The following RYR2 variants were observed in gnomAD, a reference collection of about 807,000 sequenced individuals.
RYR2 encodes the protein ryanodine receptor 2, also known as cardiac muscle ryanodine receptor-calcium release channel.
In RYR2, 227 loss-of-function variants were observed where a neutral mutation model predicts 601.1. The observed-to-expected ratio is 0.38, with a 90% CI of 0.34 to 0.42. The LOEUF (loss-of-function observed/expected upper bound fraction) is 0.42. Among genes scored for constraint, RYR2 ranks in the 10% least tolerant of loss-of-function variants. The pLI is 1.00. For synonymous variants in RYR2, 2,223 were observed against 2,175.1 expected (o/e 1.02, Z -0.61); for missense variants, 4,646 against 6,156.5 (o/e 0.75, Z 8.21).
chr1:237,329,548 A>C (rs927037313), intron 2 of RYR2, among the ~76,000 whole-genome samples: 1 of 151,964 alleles, frequency 6.6e-6, no homozygotes. Flanking sequence ...AGGCTGAGAC[A>C]GAAGAATTGC....
At chr1:237,626,561 T>C (rs1679674744) in intron 40 of RYR2, among the ~76,000 whole-genome samples, 3 of 141,946 alleles carry the variant, frequency 2.1e-5, no homozygotes, top group Non-Finnish European at 4.5e-5. Flanking sequence ...TTCTTTCTTT[T>C]CTTTTTCTTT....
At chr1:237,612,517 G>A (rs1462851269) in intron 36 of RYR2, among the ~76,000 whole-genome samples, 2 of 152,072 alleles carry the variant, frequency 1.3e-5, no homozygotes, top group Non-Finnish European at 2.9e-5. Context: ...TATTACATAT[G>A]TATTTACATT....
chr1:237,256,344 T>A (rs1687980233), intron 1 of RYR2, among the ~76,000 whole-genome samples: 1 of 152,216 alleles, frequency 6.6e-6, no homozygotes, highest in Non-Finnish European at 1.5e-5. Context: ...TATGTCTTTA[T>A]CAGCAGCGTG....
intron 100 of RYR2, 104 bp downstream of exon 100, chr1:237,809,139 C>T: frequency 9.2e-7 from 1 of 1,085,756 alleles, no homozygotes; most frequent in Non-Finnish European, 1.4e-6. Context: ...AGAAAATAGT[C>T]TAAACAAATA....
chr1:237,308,925 G>T (rs1218895922), intron 2 of RYR2, among the ~76,000 whole-genome samples: 3 of 152,316 alleles, frequency 2.0e-5, no homozygotes, highest in Admixed American at 6.5e-5. Context: ...TTTTGACAGG[G>T]TGCTGATTGG....
At chr1:237,603,514 G>A (rs12140987) in intron 35 of RYR2, among the ~76,000 whole-genome samples, 146,713 of 152,344 alleles carry the variant, frequency 0.96, 70,875 homozygotes, top group East Asian at 1. Flanking sequence ...AAGAAACTGC[G>A]TCAACTAATG....
chr1:237,618,460 A>G (rs1186057518), intron 38 of RYR2, among the ~76,000 whole-genome samples: 1 of 152,180 alleles, frequency 6.6e-6, no homozygotes, highest in South Asian at 2.1e-4. Flanking sequence ...GAGGTTGGCT[A>G]CAGAACTCAG....
intron 17 of RYR2, among the ~76,000 whole-genome samples, chr1:237,487,663 C>T (rs1662847568): frequency 6.6e-6 from 1 of 151,190 alleles, no homozygotes; most frequent in Non-Finnish European, 1.5e-5. Context: ...AGCCCAAGAG[C>T]TTGAGGCTGC....
intron 1 of RYR2, among the ~76,000 whole-genome samples, chr1:237,182,983 A>G (rs1008953275): frequency 6.6e-6 from 1 of 152,170 alleles, no homozygotes; most frequent in Non-Finnish European, 1.5e-5. Flanking sequence ...TATCTGGTGA[A>G]ACAGCCATGA....
chr1:237,744,627 G>A (rs1691909704), intron 80 of RYR2, among the ~76,000 whole-genome samples: 1 of 151,678 alleles, frequency 6.6e-6, no homozygotes, highest in African/African-American at 2.4e-5. Context: ...TTGCACTCCA[G>A]CCTGGGCGAC....
intron 25 of RYR2, among the ~76,000 whole-genome samples, chr1:237,537,401 G>C (rs1386067006): frequency 6.6e-6 from 1 of 151,966 alleles, no homozygotes; most frequent in East Asian, 1.9e-4. Flanking sequence ...TTGGCTCGCT[G>C]CAACCTCCGC....
At chr1:237,223,688 C>T (rs1231292746) in intron 1 of RYR2, among the ~76,000 whole-genome samples, 1 of 152,304 alleles carries the variant, frequency 6.6e-6, no homozygotes, top group African/African-American at 2.4e-5. Context: ...TGTGTGACTT[C>T]TCTTCTGTCA....
intron 1 of RYR2, among the ~76,000 whole-genome samples, chr1:237,063,190 G>A (rs1663099935): frequency 2.0e-5 from 3 of 152,258 alleles, no homozygotes; most frequent in African/African-American, 7.2e-5. Context: ...ACCCAGAAGA[G>A]GGCCTTCACC....
intron 4 of RYR2, among the ~76,000 whole-genome samples, chr1:237,356,675 A>G (rs12026757): frequency 0.24 from 36,878 of 151,882 alleles, 4,650 homozygotes; most frequent in East Asian, 0.37. Flanking sequence ...AAAAAGTTAC[A>G]TTGCTTCTTT....
intron 2 of RYR2, among the ~76,000 whole-genome samples, chr1:237,305,971 G>A (rs963367267): frequency 2.0e-5 from 3 of 152,178 alleles, no homozygotes; most frequent in Non-Finnish European, 2.9e-5. Context: ...GGGCCTAGAA[G>A]ATGTTGGTTT....
chr1:237,144,677 C>G (rs1435359004), intron 1 of RYR2, among the ~76,000 whole-genome samples: 1 of 151,996 alleles, frequency 6.6e-6, no homozygotes, highest in East Asian at 1.9e-4. Flanking sequence ...AGAATTAAAC[C>G]TCTTATTTTT....
At chr1:237,684,922 GTTAA>G (rs1558215876) in intron 62 of RYR2, among the ~76,000 whole-genome samples, 8 of 95,390 alleles carry the variant, frequency 8.4e-5, no homozygotes, top group Non-Finnish European at 1.5e-4. Context: ...ATCAAGAATG[GTTAA>G]TTAGAGAGAA....
chr1:237,780,586 G>C (rs189879481), intron 88 of RYR2, among the ~76,000 whole-genome samples: 48 of 152,168 alleles, frequency 3.2e-4, no homozygotes, highest in Admixed American at 3.1e-3. Context: ...GTATTTCCAG[G>C]GACTATAGCT....
At chr1:237,211,390 G>A (rs1302230235) in intron 1 of RYR2, among the ~76,000 whole-genome samples, 1 of 152,190 alleles carries the variant, frequency 6.6e-6, no homozygotes, top group Non-Finnish European at 1.5e-5. Context: ...ATCTTTGTTA[G>A]CATGATAATT....
Sources: gnomAD v4.1 joint callset for allele counts (sites outside exome capture counted in the v4.1 genomes callset) on GRCh38, gnomAD v4.1.1 for gene constraint, MANE v1.5 for transcripts, NCBI Gene and HGNC (gene_info 2026-07-23, HGNC 2026-07-21) for gene names.